GJC3: variants seen among roughly 807,000 people sequenced by gnomAD.
The protein encoded by GJC3 is gap junction protein gamma 3.
In GJC3, 17 loss-of-function variants were observed where a neutral mutation model predicts 19.8. The ratio of observed to expected loss-of-function variants is 0.86; its 90% CI spans 0.59 to 1.29. The LOEUF is 1.29. Ranked by LOEUF, GJC3 falls within the 50% of genes most tolerant of loss-of-function variation. The pLI, the probability that GJC3 is intolerant of heterozygous loss-of-function variation, is 0.00. For synonymous variants in GJC3, 140 were observed against 136.5 expected (o/e 1.03, Z -0.18); for missense variants, 317 against 332.5 (o/e 0.95, Z 0.36).
At chr7:99,930,104 T>C (rs888665235), upstream of GJC3, among the ~76,000 whole-genome samples, 3 of 152,232 alleles carry the variant, frequency 2.0e-5, no homozygotes, top group African/African-American at 7.2e-5. Flanking sequence ...GGAATGTGCA[T>C]TCTCTTGCGG....
intron 1 of GJC3, among the ~76,000 whole-genome samples, chr7:99,927,520 G>A (rs1436539993): frequency 1.3e-5 from 2 of 152,020 alleles, no homozygotes; most frequent in Admixed American, 6.6e-5. Context: ...CATCCCTTGG[G>A]ATCCCCTAAC....
chr7:99,929,585 C>T lies in GJC3; in HGVS notation c.36G>A (p.Glu12=), dbSNP rs569274106. ...CGRFLRRLLA[E]ESRRSTPVGR... ...CCACGGGGGTGGAGCGCCGGCTCTC[C>T]TCCGCCAGCAGCCGCCGCAGGAACC... The change falls in exon 1 of 2, where the codon GAG becomes GAA. Residue 12 remains glutamate (E), a synonymous_variant. Transcript: ENST00000312891. 6.8e-6 allele frequency: 11 copies of T among 1,610,004 alleles called. No individual in the cohort carries two copies. Among genetic ancestry groups the T allele is most frequent in the African/African-American group, 6.7e-5 (5 of 75,046 alleles).
At position 99,929,368 on chromosome 7, in the gene GJC3, C is replaced by T. The variant is rs1378255437; in HGVS notation, c.253G>A (p.Ala85Thr). 1.9e-6 allele frequency: 3 copies of T among 1,614,094 alleles called. No homozygotes were observed. The African/African-American group carries it at 4.0e-5, about 22-fold the overall frequency. ...RFWVFQVILV[A>T]VPSALYMGFT... ...CCCATATAGAGGGCGCTGGGTACAG[C>T]CACCAAGATGACCTGGAAGACCCAG... is the stretch of plus-strand genomic sequence containing the variant. The change falls in exon 1 of 2, where the codon GCT (alanine) becomes ACT (threonine). Residue 85 changes from alanine (A) to threonine (T), a missense_variant. By Grantham distance (58) the Ala-to-Thr change is moderately conservative. Coordinates refer to ENST00000312891, the MANE Select transcript of GJC3 (RefSeq NM_181538.3).
At chr7:99,925,676 A>G (rs915548149) in intron 1 of GJC3, among the ~76,000 whole-genome samples, 2 of 152,240 alleles carry the variant, frequency 1.3e-5, no homozygotes, top group South Asian at 4.1e-4. Flanking sequence ...AGCTCTTACA[A>G]TGCAACAACA....
intron 1 of GJC3, among the ~76,000 whole-genome samples, chr7:99,925,444 G>A (rs568776929): frequency 1.3e-5 from 2 of 152,198 alleles, no homozygotes; most frequent in South Asian, 4.1e-4. Context: ...CAACTCTTAT[G>A]GAAACATAGG....
chr7:99,924,163 C>T (rs529737707), intron 1 of GJC3, among the ~76,000 whole-genome samples: 6 of 152,354 alleles, frequency 3.9e-5, no homozygotes, highest in African/African-American at 1.4e-4. Context: ...CAACATTGCT[C>T]ATCACTGTTG....
At chr7:99,930,617 C>G (rs1306950622), upstream of GJC3, among the ~76,000 whole-genome samples, 5 of 152,306 alleles carry the variant, frequency 3.3e-5, no homozygotes, top group East Asian at 9.6e-4. Context: ...TAAATTCTCA[C>G]TCATCTGGTT....
rs776591544 is a variant in GJC3 at position 99,924,869 on chromosome 7, C to T, written c.782-1266G>A. 8.5e-5 allele frequency among the ~76,000 whole-genome samples: 13 copies of T among 152,252 alleles called. 1 individual carries two copies. The South Asian group carries it at 1.0e-3, about 12-fold the overall frequency. ...GGAGTAGCACTTTCTTACTTTCTAC[C>T]GCTACAAAATCCTCCAGTCTTATCT... On this transcript the variant is annotated intron_variant, in intron 1 of 1. Coordinates refer to ENST00000312891, the MANE Select transcript of GJC3 (RefSeq NM_181538.3).
chr7:99,926,855 A>G (rs1819810325), intron 1 of GJC3, among the ~76,000 whole-genome samples: 1 of 152,224 alleles, frequency 6.6e-6, no homozygotes, highest in Non-Finnish European at 1.5e-5. Context: ...TGAACAAGGA[A>G]TTGGACAAAA....
chr7:99,927,525 C>T (rs1223952842), intron 1 of GJC3, among the ~76,000 whole-genome samples: 1 of 151,826 alleles, frequency 6.6e-6, no homozygotes, highest in Non-Finnish European at 1.5e-5. Flanking sequence ...CTTGGGATCC[C>T]CTAACTTACT....
chr7:99,923,936 C>G (rs1819736319), intron 1 of GJC3, among the ~76,000 whole-genome samples: 1 of 152,102 alleles, frequency 6.6e-6, no homozygotes, highest in African/African-American at 2.4e-5. Context: ...AGGTGAAGAA[C>G]CAGGAAAATC....
At chr7:99,926,775 G>T (rs1020082173) in intron 1 of GJC3, among the ~76,000 whole-genome samples, 2 of 152,140 alleles carry the variant, frequency 1.3e-5, no homozygotes, top group East Asian at 1.9e-4. Flanking sequence ...TATACTAAAG[G>T]CTATTTAATT....
chr7:99,929,464 A>G lies in GJC3; in HGVS notation c.157T>C (p.Cys53Arg), dbSNP rs754660647. The change falls in exon 1 of 2, where the codon TGT (cysteine) becomes CGT (arginine). Residue 53 changes from cysteine to arginine, a missense_variant. By Grantham distance (180) the Cys-to-Arg change is radical. Coordinates refer to ENST00000312891, the MANE Select transcript of GJC3 (RefSeq NM_181538.3). ...TTGCAGCCCGGCTGCTGGGTGTGAC[A>G]CACGAATTCACTCTGCTCATCACCA... ...VYGDEQSEFV[C>R]HTQQPGCKAA... The G allele has an allele frequency of 2.2e-4, 353 of 1,613,424 alleles. No individual in the cohort carries two copies. Among genetic ancestry groups the G allele is most frequent in the Non-Finnish European group, 2.9e-4 (345 of 1,179,556 alleles).
At chr7:99,923,744 G>A in intron 1 of GJC3, 141 bp from the exon 2 acceptor site, 1 of 680,568 alleles carries the variant, frequency 1.5e-6, no homozygotes, top group Non-Finnish European at 2.7e-6. Context: ...CAAAGGCTTT[G>A]AAAACTGAAC....
At chr7:99,924,057 G>A (rs1384068606) in intron 1 of GJC3, among the ~76,000 whole-genome samples, 2 of 152,210 alleles carry the variant, frequency 1.3e-5, no homozygotes, top group East Asian at 3.8e-4. Context: ...AAAAGTCTCA[G>A]AGAAGTAATA....
intron 1 of GJC3, among the ~76,000 whole-genome samples, chr7:99,923,908 C>G (rs1020469261): frequency 6.6e-6 from 1 of 152,144 alleles, no homozygotes; most frequent in African/African-American, 2.4e-5. Flanking sequence ...GTCCAGGATA[C>G]AATCGATATT....
chr7:99,923,444 T>G lies in GJC3; in HGVS notation c.*101A>C. 1.3e-6 allele frequency: 1 copy of G among 776,910 alleles called. No individual in the cohort carries two copies. Among genetic ancestry groups the G allele is most frequent in the South Asian group, 1.3e-5 (1 of 74,254 alleles). The allele number at this position is 776,910 out of a possible 1,614,324, so 48.1% of individuals were successfully genotyped here. ...GCGCAGTCCCAGTTGTCGGTTATGC[T>G]GCTACATATGTCACATGTATAGAAA... is the stretch of plus-strand genomic sequence containing the variant. On this transcript the variant is annotated 3_prime_UTR_variant, in exon 2 of 2. Transcript: ENST00000312891.
chr7:99,925,046 G>A (rs1718251171), intron 1 of GJC3, among the ~76,000 whole-genome samples: 1 of 152,102 alleles, frequency 6.6e-6, no homozygotes, highest in African/African-American at 2.4e-5. Context: ...AAGTGGAGAT[G>A]GTTAATGGGT....
intron 1 of GJC3, among the ~76,000 whole-genome samples, chr7:99,926,022 C>T (rs1819792002): frequency 6.6e-6 from 1 of 152,146 alleles, no homozygotes; most frequent in Admixed American, 6.6e-5. Context: ...AGAGAACTGA[C>T]AACATGTGTT....
Sources: gnomAD v4.1 joint callset for allele counts (sites outside exome capture counted in the v4.1 genomes callset) on GRCh38, gnomAD v4.1.1 for gene constraint, MANE v1.5 for transcripts, NCBI Gene and HGNC (gene_info 2026-07-23, HGNC 2026-07-21) for gene names.